The following PCDHGA6 variants were observed in gnomAD, a reference collection of about 807,000 sequenced individuals.
PCDHGA6 encodes the protein protocadherin gamma-A6.
Under a neutral mutation model 60.6 loss-of-function variants are expected in PCDHGA6, and 41 were observed. The ratio of observed to expected loss-of-function variants is 0.68; its 90% confidence interval spans 0.53 to 0.88. The LOEUF (loss-of-function observed/expected upper bound fraction) is 0.88. Ranked by LOEUF, PCDHGA6 falls within the 40% of genes least tolerant of loss-of-function variation. The probability of loss-of-function intolerance (pLI) is 0.00; values close to 1 mark genes in which losing one functional copy is unlikely to be tolerated. For missense variants in PCDHGA6, 1,312 were observed against 1,203.0 expected (o/e 1.09, Z -1.34); for synonymous variants, 594 against 524.4 (o/e 1.13, Z -1.81).
rs1399367534 is a variant in PCDHGA6 at position 141,487,098 on chromosome 5, A to G, written c.2425-7709A>G. 6.2e-7 allele frequency: 1 copy of G among 1,613,778 alleles called. No homozygotes were observed. The highest frequency in any genetic ancestry group is 8.5e-7 in the Non-Finnish European group (1 of 1,179,788). On this transcript the variant is annotated intron_variant, in intron 1 of 3. Transcript: ENST00000517434. The surrounding 1 kb of genome is among the most constrained non-coding windows in gnomAD (Gnocchi z 5.0). ...ATCCCAGCTGACCTCCCACCACAGA[A>G]GCTGGTCATTGTGGTAAAGGATAGT...
chr5:141,457,579 A>G (rs557894260), intron 1 of PCDHGA6, among the ~76,000 whole-genome samples: 123 of 152,346 alleles, frequency 8.1e-4, no homozygotes, highest in Non-Finnish European at 1.4e-3. Flanking sequence ...TTTTCTCTCC[A>G]GTCCTCATTT....
chr5:141,427,105 A>C (rs1413188668), intron 1 of PCDHGA6: 1 of 457,776 alleles, frequency 2.2e-6, no homozygotes, highest in Non-Finnish European at 4.4e-6. Flanking sequence ...GTCAATGCGG[A>C]GATCACCTAC....
chr5:141,375,417 C>G lies in PCDHGA6; in HGVS notation c.1334C>G (p.Thr445Ser). ...ETIISLNVADTNDNPPTFPHS... is the reference protein window; with the variant it reads ...ETIISLNVADSNDNPPTFPHS... ...ATCATCTCTCTAAATGTGGCAGACA[C>G]CAACGACAACCCGCCCACCTTCCCC... The change falls in exon 1 of 4, where the codon ACC (threonine) becomes AGC (serine). Residue 445 changes from threonine to serine, a missense_variant. Coordinates refer to ENST00000517434, the MANE Select transcript of PCDHGA6 (RefSeq NM_018919.3). The G allele has an allele frequency of 1.9e-6, 3 of 1,613,976 alleles. No homozygotes were observed. The South Asian group carries it at 3.3e-5, about 18-fold the overall frequency.
At chr5:141,453,481 TA>T (rs1178324090) in intron 1 of PCDHGA6, among the ~76,000 whole-genome samples, 1 of 151,928 alleles carries the variant, frequency 6.6e-6, no homozygotes, top group Non-Finnish European at 1.5e-5. Context: ...TCAAAACTAT[TA>T]AAAAAAGGTG....
intron 1 of PCDHGA6, chr5:141,423,287 C>T: frequency 6.3e-7 from 1 of 1,586,406 alleles, no homozygotes; most frequent in South Asian, 1.1e-5. Flanking sequence ...AACTCTGAAA[C>T]CTCAGACCTC....
Position 141,375,611 on chromosome 5 carries a change from G to T in PCDHGA6, c.1528G>T (p.Asp510Tyr). Residue 510 changes from aspartate to tyrosine, a missense_variant, in exon 1 of 4, where the codon GAC becomes TAC. Coordinates refer to ENST00000517434, the MANE Select transcript of PCDHGA6 (RefSeq NM_018919.3). ...GTCCTCCTACGTGTCCATCAACTCC[G>T]ACACTGGGATTCTGTACGCCCTGCG... ...PLSSYVSINS[D>Y]TGILYALRSF... 6.2e-7 allele frequency: 1 copy of T among 1,614,178 alleles called. No homozygotes were observed. The highest frequency in any genetic ancestry group is 8.5e-7 in the Non-Finnish European group (1 of 1,180,020).
chr5:141,489,775 T>C lies in PCDHGA6; in HGVS notation c.2425-5032T>C, dbSNP rs748163008. The C allele has an allele frequency of 6.2e-7, 1 of 1,614,110 alleles. No homozygotes were observed. The highest frequency in any genetic ancestry group is 8.5e-7 in the Non-Finnish European group (1 of 1,179,986). Reference sequence around the variant, plus strand: ...CACTCTAAGCCCCAACAGCCACTTCTCTCTGAATGTGAAGACCCTAAAAGA... The same window carrying C: ...CACTCTAAGCCCCAACAGCCACTTCCCTCTGAATGTGAAGACCCTAAAAGA... On this transcript the variant is annotated intron_variant, in intron 1 of 3. Coordinates refer to ENST00000517434, the MANE Select transcript of PCDHGA6 (RefSeq NM_018919.3). This position sits in a 1 kb window ranked among gnomAD's most constrained non-coding sequence, Gnocchi z 4.5.
chr5:141,402,324 A>G (rs895598623), intron 1 of PCDHGA6, among the ~76,000 whole-genome samples: 2 of 152,012 alleles, frequency 1.3e-5, no homozygotes, highest in Admixed American at 1.3e-4. Context: ...TTTTACATTT[A>G]CAAATATATA....
rs747671382 is a variant in PCDHGA6 at position 141,444,152 on chromosome 5, A to ATTTTTTT, written c.2425-50625_2425-50619dup. On this transcript the variant is annotated intron_variant, in intron 1 of 3. Coordinates refer to ENST00000517434, the MANE Select transcript of PCDHGA6 (RefSeq NM_018919.3). ...GATATGTGTCACTTGTGTGTACTGG[A>ATTTTTTT]TTTTTTTTTTTTTTTTTTTTTTTTT... Among the ~76,000 whole-genome samples, 8 of 33,896 alleles carry ATTTTTTT rather than the reference A, an allele frequency of 2.4e-4. 2 individuals are homozygous for ATTTTTTT. The highest frequency in any genetic ancestry group is 2.1e-3 in the South Asian group (2 of 962). 22.2% of individuals were successfully genotyped at this position (33,896 alleles called of 152,430 possible).
intron 2 of PCDHGA6, among the ~76,000 whole-genome samples, chr5:141,503,598 CAA>C (rs765754054): frequency 2.7e-4 from 18 of 65,718 alleles, no homozygotes; most frequent in Admixed American, 6.9e-4. Flanking sequence ...GACTCCAGCT[CAA>C]AAAAAAAAAA....
At chr5:141,419,151 C>A in intron 1 of PCDHGA6, 1 of 1,613,918 alleles carries the variant, frequency 6.2e-7, no homozygotes. Context: ...GGCAAGCCTC[C>A]GTTATCCTCC....
Position 141,432,059 on chromosome 5 carries a change from A to T in PCDHGA6, c.2424+55552A>T. On this transcript the variant is annotated intron_variant, in intron 1 of 3. Transcript: ENST00000517434. This position sits in a 1 kb window ranked among gnomAD's most constrained non-coding sequence, Gnocchi z 6.0. ...TGACCGGGGAACCCCGCCCCTATCC[A>T]CGGAAACTCATATCTCGCTGAACGT... The T allele has an allele frequency of 6.2e-7, 1 of 1,614,170 alleles. No homozygotes were observed. Among genetic ancestry groups the T allele is most frequent in the Non-Finnish European group, 8.5e-7 (1 of 1,180,030 alleles).
At chr5:141,392,994 A>T in intron 1 of PCDHGA6, 1 of 1,613,910 alleles carries the variant, frequency 6.2e-7, no homozygotes, top group Non-Finnish European at 8.5e-7. Context: ...GAAGCTGGCG[A>T]AGCACGGAGT....
At chr5:141,503,478 C>T (rs1249372985) in intron 2 of PCDHGA6, among the ~76,000 whole-genome samples, 3 of 151,680 alleles carry the variant, frequency 2.0e-5, no homozygotes, top group East Asian at 1.9e-4. Context: ...GTGCACTTGT[C>T]GTCCCAGCTG....
chr5:141,430,904 T>C (rs2097322701), intron 1 of PCDHGA6: 5 of 1,606,730 alleles, frequency 3.1e-6, no homozygotes, highest in Middle Eastern at 1.7e-4. Context: ...GGGCGACATC[T>C]CCAGGGACCT....
intron 2 of PCDHGA6, among the ~76,000 whole-genome samples, chr5:141,504,926 TGGTG>T (rs1312481961): frequency 1.3e-5 from 2 of 151,946 alleles, no homozygotes; most frequent in Non-Finnish European, 2.9e-5. Context: ...GGCTCTCTCA[TGGTG>T]GGTGGGGGAA....
intron 1 of PCDHGA6, among the ~76,000 whole-genome samples, chr5:141,445,953 T>C (rs550111391): frequency 2.0e-4 from 31 of 152,308 alleles, no homozygotes; most frequent in Middle Eastern, 3.4e-3. Flanking sequence ...CTCTGGCTGC[T>C]ATATGGAGAA....
chr5:141,503,598 CAAAAAAAAAA>C (rs765754054), intron 2 of PCDHGA6, among the ~76,000 whole-genome samples: 1 of 65,762 alleles, frequency 1.5e-5, no homozygotes. Context: ...GACTCCAGCT[CAAAAAAAAAA>C]AAAAAAGAAA....
At chr5:141,384,536 T>C (rs751421323) in intron 1 of PCDHGA6, 1 of 1,614,204 alleles carries the variant, frequency 6.2e-7, no homozygotes, top group Non-Finnish European at 8.5e-7. Flanking sequence ...AGCAGCAACA[T>C]GTCACTGAGC....
Sources: gnomAD v4.1 joint callset for allele counts (sites outside exome capture counted in the v4.1 genomes callset) on GRCh38, gnomAD v4.1.1 for gene constraint, Gnocchi (gnomAD v3.1) non-coding constraint, MANE v1.5 for transcripts, NCBI Gene and HGNC (gene_info 2026-07-23, HGNC 2026-07-21) for gene names.